The following ADAMTS3 variants were observed in gnomAD, a reference collection of about 807,000 sequenced individuals.
The protein encoded by ADAMTS3 is ADAM metallopeptidase with thrombospondin type 1 motif 3, also known as A disintegrin and metalloproteinase with thrombospondin motifs 3.
ADAMTS3 carries 73 observed loss-of-function variants against 129.0 expected under a neutral mutation model. That is an observed-to-expected ratio of 0.57 (90% CI 0.47 to 0.69). The LOEUF (loss-of-function observed/expected upper bound fraction) is 0.69, where lower values mean the gene tolerates loss of function less well. Ranked by LOEUF, ADAMTS3 falls within the 30% of genes least tolerant of loss-of-function variation. The pLI, the probability that ADAMTS3 is intolerant of heterozygous loss-of-function variation, is 0.00. For synonymous variants in ADAMTS3, 477 were observed against 510.8 expected (o/e 0.93, Z 0.89); for missense variants, 1,457 against 1,514.5 (o/e 0.96, Z 0.63).
At chr4:72,490,674 C>A (rs1719716468) in intron 3 of ADAMTS3, among the ~76,000 whole-genome samples, 1 of 151,698 alleles carries the variant, frequency 6.6e-6, no homozygotes, top group Non-Finnish European at 1.5e-5. Context: ...TGAGTTTATC[C>A]TTATGCTCTT....
At chr4:72,440,418 A>AG (rs1357973440) in intron 3 of ADAMTS3, among the ~76,000 whole-genome samples, 1 of 151,834 alleles carries the variant, frequency 6.6e-6, no homozygotes, top group African/African-American at 2.4e-5. Context: ...GTTGTTGCAT[A>AG]GGGGAAAAAA....
chr4:72,376,645 T>C (rs1409589651), intron 4 of ADAMTS3, among the ~76,000 whole-genome samples: 1 of 152,154 alleles, frequency 6.6e-6, no homozygotes, highest in Non-Finnish European at 1.5e-5. Context: ...GCCTAAGAAC[T>C]GCATTTCTAA....
intron 18 of ADAMTS3, among the ~76,000 whole-genome samples, chr4:72,297,895 T>C (rs1475556962): frequency 6.6e-6 from 1 of 152,114 alleles, no homozygotes; most frequent in Admixed American, 6.6e-5. Context: ...AGCTCTTTTG[T>C]TATTAACTCT....
At chr4:72,323,267 T>C (rs1719612410) in intron 5 of ADAMTS3, 170 bp from the exon 6 acceptor site, 2 of 595,240 alleles carry the variant, frequency 3.4e-6, no homozygotes, top group Non-Finnish European at 6.0e-6. Context: ...TTTGGTACAA[T>C]GTGTGGATAT....
At chr4:72,343,120 C>A (rs1720182481) in intron 4 of ADAMTS3, among the ~76,000 whole-genome samples, 1 of 152,126 alleles carries the variant, frequency 6.6e-6, no homozygotes, top group Non-Finnish European at 1.5e-5. Context: ...TTAGTTGGAC[C>A]AGGTGTAACA....
chr4:72,559,556 T>C (rs1721849562), intron 2 of ADAMTS3, among the ~76,000 whole-genome samples: 1 of 151,750 alleles, frequency 6.6e-6, no homozygotes, highest in Non-Finnish European at 1.5e-5. Flanking sequence ...TTAAAGTTCC[T>C]GGAAATTCAT....
intron 4 of ADAMTS3, among the ~76,000 whole-genome samples, chr4:72,347,442 T>C (rs891803699): frequency 5.3e-5 from 8 of 151,982 alleles, no homozygotes; most frequent in African/African-American, 9.7e-5. Context: ...TAGTCAACTA[T>C]TCTTAGGCTA....
chr4:72,352,164 A>G (rs1014491192), intron 4 of ADAMTS3, among the ~76,000 whole-genome samples: 1 of 152,030 alleles, frequency 6.6e-6, no homozygotes, highest in Non-Finnish European at 1.5e-5. Context: ...GAGGAATGAC[A>G]TATTTGAAAG....
In ADAMTS3 at chr4:72,568,819, A is replaced by AT; in HGVS notation, c.-58_-57insA. 1 of 488,076 alleles carries AT rather than the reference A, an allele frequency of 2.0e-6. No homozygotes were observed. The highest frequency in any genetic ancestry group is 2.7e-6 in the Non-Finnish European group (1 of 373,550). 30.2% of individuals were successfully genotyped at this position (488,076 alleles called of 1,614,324 possible). On this transcript the variant is annotated 5_prime_UTR_variant, in exon 1 of 22. The change creates a new upstream start codon in the 5' untranslated region. Coordinates refer to ENST00000286657, the MANE Select transcript of ADAMTS3 (RefSeq NM_014243.3). ...CAAAGCAAATGCCCAGAGCAAACCC[A>AT]CCCCCCCCGCCCAAAATAAGTTTCT...
chr4:72,536,788 C>T (rs780380817), intron 3 of ADAMTS3, among the ~76,000 whole-genome samples: 8 of 152,118 alleles, frequency 5.3e-5, no homozygotes, highest in East Asian at 1.9e-4. Flanking sequence ...CTGTCATCAA[C>T]GGTACTTACT....
chr4:72,548,954 A>C, intron 2 of ADAMTS3, 70 bp from the exon 3 acceptor site: 1 of 1,425,432 alleles, frequency 7.0e-7, no homozygotes, highest in South Asian at 1.3e-5. Context: ...AACACAGACA[A>C]AAGCTGCCCA....
intron 4 of ADAMTS3, among the ~76,000 whole-genome samples, chr4:72,365,119 C>T (rs12504883): frequency 0.18 from 26,966 of 151,984 alleles, 3,087 homozygotes; most frequent in East Asian, 0.41. Context: ...GCATGAGTAA[C>T]GAAAATAAGG....
chr4:72,406,123 G>GT (rs1722044663), intron 4 of ADAMTS3, among the ~76,000 whole-genome samples: 1 of 152,112 alleles, frequency 6.6e-6, no homozygotes, highest in South Asian at 2.1e-4. Context: ...ACCAGAAGCT[G>GT]TGAGTGAGTG....
Position 72,479,968 on chromosome 4 carries a change from A to G in ADAMTS3, c.505-64997T>C, listed in dbSNP as rs1201437791. Among the ~76,000 whole-genome samples the G allele has an allele frequency of 3.3e-5, 5 of 152,166 alleles. No individual in the cohort carries two copies. In the East Asian group the frequency reaches 7.7e-4, roughly 24 times the overall value. ...AATGCTCATCATCACTGGCCATCAG[A>G]GAAATGCAAATCAAAACCACAATGA... On this transcript the variant is annotated intron_variant, in intron 3 of 21. Transcript: ENST00000286657.
At chr4:72,493,948 T>C (rs547013386) in intron 3 of ADAMTS3, among the ~76,000 whole-genome samples, 15 of 152,284 alleles carry the variant, frequency 9.9e-5, no homozygotes, top group South Asian at 4.1e-4. Context: ...GTCAGTCTTA[T>C]AGAGGTCACC....
chr4:72,493,611 G>T (rs143997178), intron 3 of ADAMTS3, among the ~76,000 whole-genome samples: 1 of 152,062 alleles, frequency 6.6e-6, no homozygotes, highest in Non-Finnish European at 1.5e-5. Context: ...AATATTAAAA[G>T]TAATTTATGC....
intron 4 of ADAMTS3, among the ~76,000 whole-genome samples, chr4:72,397,359 G>C (rs1161879907): frequency 6.6e-6 from 1 of 152,092 alleles, no homozygotes; most frequent in Non-Finnish European, 1.5e-5. Flanking sequence ...AAGGTCATGA[G>C]TTCGAGACCA....
chr4:72,469,506 T>A (rs928704405), intron 3 of ADAMTS3, among the ~76,000 whole-genome samples: 2 of 152,130 alleles, frequency 1.3e-5, no homozygotes, highest in African/African-American at 4.8e-5. Context: ...CTGGCATTCA[T>A]TAGACGACTA....
intron 3 of ADAMTS3, among the ~76,000 whole-genome samples, chr4:72,515,006 C>A (rs1048598456): frequency 6.6e-6 from 1 of 151,990 alleles, no homozygotes; most frequent in Admixed American, 6.6e-5. Context: ...CCACAACAGT[C>A]CCCAGAGTGT....
Sources: allele counts gnomAD v4.1 joint callset (sites outside exome capture counted in the v4.1 genomes callset), GRCh38; gene constraint gnomAD v4.1.1; transcripts MANE v1.5; gene names NCBI Gene and HGNC (gene_info 2026-07-23, HGNC 2026-07-21).